ADGRG6: variants seen among roughly 807,000 people sequenced by gnomAD.
ADGRG6 encodes the protein G-protein coupled receptor 126.
Under a neutral mutation model 142.4 loss-of-function variants are expected in ADGRG6, and 84 were observed. The observed-to-expected ratio is 0.59, with a 90% CI of 0.49 to 0.71. The LOEUF is 0.71. ADGRG6 is among the 30% of genes least tolerant of loss of function. The pLI is 0.00. For synonymous variants in ADGRG6, 521 were observed against 520.5 expected (o/e 1.00, Z -0.01); for missense variants, 1,367 against 1,466.6 (o/e 0.93, Z 1.11).
At chr6:142,397,266 A>G (rs1244253831) in intron 9 of ADGRG6, among the ~76,000 whole-genome samples, 2 of 152,080 alleles carry the variant, frequency 1.3e-5, no homozygotes, top group Non-Finnish European at 2.9e-5. Flanking sequence ...TGGGGCCACA[A>G]AGAAAAAATG....
chr6:142,400,321 A>T (rs1355599873), intron 10 of ADGRG6, among the ~76,000 whole-genome samples, 164 bp from the exon 11 acceptor site: 1 of 148,462 alleles, frequency 6.7e-6, no homozygotes, highest in African/African-American at 2.5e-5. Flanking sequence ...CTAACTTCTA[A>T]TTTTTTTTTT....
chr6:142,330,294 A>C (rs1778985773), intron 2 of ADGRG6, among the ~76,000 whole-genome samples: 1 of 152,108 alleles, frequency 6.6e-6, no homozygotes, highest in African/African-American at 2.4e-5. Context: ...CCCGTGACCC[A>C]AATTTACCTG....
intron 22 of ADGRG6, 107 bp from the exon 23 acceptor site, chr6:142,437,327 C>A (rs867243888): frequency 3.4e-6 from 2 of 582,196 alleles, no homozygotes; most frequent in African/African-American, 1.9e-5. Context: ...TTTCTTAGTG[C>A]CTTTGATGTA....
chr6:142,384,399 TGAC>T (rs1781926509), intron 6 of ADGRG6, among the ~76,000 whole-genome samples: 1 of 152,128 alleles, frequency 6.6e-6, no homozygotes, highest in Admixed American at 6.5e-5. Flanking sequence ...AAATTTTGAA[TGAC>T]AACTTCAAAT....
intron 4 of ADGRG6, among the ~76,000 whole-genome samples, chr6:142,380,792 C>T (rs1025536596): frequency 1.3e-5 from 2 of 152,214 alleles, no homozygotes; most frequent in African/African-American, 4.8e-5. Context: ...CCTAATAGCA[C>T]TTAGAACTGT....
At chr6:142,367,224 G>A (rs1011902068) in intron 2 of ADGRG6, among the ~76,000 whole-genome samples, 2 of 152,120 alleles carry the variant, frequency 1.3e-5, no homozygotes, top group African/African-American at 2.4e-5. Flanking sequence ...GAAATTCGCT[G>A]TTGCCTCCTG....
At chr6:142,372,387 T>G (rs1391526746) in intron 4 of ADGRG6, among the ~76,000 whole-genome samples, 1 of 152,182 alleles carries the variant, frequency 6.6e-6, no homozygotes, top group Non-Finnish European at 1.5e-5. Flanking sequence ...TTACTGGGAA[T>G]TTATTCCCAC....
chr6:142,401,737 A>T (rs917219955), intron 11 of ADGRG6, among the ~76,000 whole-genome samples: 1 of 152,058 alleles, frequency 6.6e-6, no homozygotes, highest in South Asian at 2.1e-4. Flanking sequence ...AGGTGGAGAA[A>T]TGGAGAGAAT....
At chr6:142,318,149 TTATATA>T (rs371325647) in intron 2 of ADGRG6, among the ~76,000 whole-genome samples, 1 of 28,806 alleles carries the variant, frequency 3.5e-5, no homozygotes, top group Non-Finnish European at 5.2e-5. Flanking sequence ...ATAATATATA[TTATATA>T]TTATATATAT....
intron 2 of ADGRG6, among the ~76,000 whole-genome samples, chr6:142,314,306 G>A (rs887024044): frequency 6.6e-6 from 1 of 152,184 alleles, no homozygotes; most frequent in Non-Finnish European, 1.5e-5. Context: ...GCAGTGTGAT[G>A]GGACCACTAA....
intron 2 of ADGRG6, among the ~76,000 whole-genome samples, chr6:142,316,054 C>A (rs1025075421): frequency 2.0e-5 from 3 of 152,008 alleles, no homozygotes; most frequent in East Asian, 3.9e-4. Context: ...TATTTGTAAT[C>A]GTTTGAATGA....
At chr6:142,429,534 A>G (rs1401345776) in intron 22 of ADGRG6, among the ~76,000 whole-genome samples, 4 of 152,194 alleles carry the variant, frequency 2.6e-5, no homozygotes, top group Admixed American at 6.5e-5. Context: ...AGAAGTTTCC[A>G]GAGAGAGCCA....
intron 1 of ADGRG6, among the ~76,000 whole-genome samples, chr6:142,304,076 T>G (rs1017089991): frequency 1.3e-5 from 2 of 152,196 alleles, no homozygotes; most frequent in Non-Finnish European, 2.9e-5. Context: ...TGGAGTGGTT[T>G]AGGATGGCCT....
intron 9 of ADGRG6, 147 bp from the exon 10 acceptor site, chr6:142,397,466 C>T: frequency 1.7e-6 from 1 of 586,428 alleles, no homozygotes; most frequent in Non-Finnish European, 3.0e-6. Flanking sequence ...TACACAGCAG[C>T]AGAGAAAGTC....
intron 2 of ADGRG6, among the ~76,000 whole-genome samples, chr6:142,341,255 C>T (rs1412676114): frequency 3.3e-5 from 5 of 149,762 alleles, no homozygotes; most frequent in African/African-American, 9.9e-5. Context: ...CACCTCCAAG[C>T]CTTGTGACTT....
chr6:142,340,961 A>G (rs1191500861), intron 2 of ADGRG6, among the ~76,000 whole-genome samples: 1 of 152,084 alleles, frequency 6.6e-6, no homozygotes, highest in Admixed American at 6.6e-5. Flanking sequence ...TGCATAGAAA[A>G]TAATAGTCTC....
chr6:142,377,625 C>G (rs1781565841), intron 4 of ADGRG6, among the ~76,000 whole-genome samples: 1 of 152,230 alleles, frequency 6.6e-6, no homozygotes, highest in Non-Finnish European at 1.5e-5. Flanking sequence ...ACATACACAT[C>G]ATATTCTAAA....
intron 22 of ADGRG6, among the ~76,000 whole-genome samples, chr6:142,430,998 A>T (rs1173969838): frequency 6.6e-6 from 1 of 152,132 alleles, no homozygotes; most frequent in Non-Finnish European, 1.5e-5. Flanking sequence ...GTTACTTGCA[A>T]CACCCTTTCT....
At chr6:142,385,246 G>T (rs1248279169) in intron 6 of ADGRG6, among the ~76,000 whole-genome samples, 1 of 152,076 alleles carries the variant, frequency 6.6e-6, no homozygotes, top group Non-Finnish European at 1.5e-5. Flanking sequence ...CTCTCTCTGC[G>T]TCATAACCTT....
Sources: allele counts gnomAD v4.1 joint callset (sites outside exome capture counted in the v4.1 genomes callset), GRCh38; gene constraint gnomAD v4.1.1; transcripts MANE v1.5; gene names NCBI Gene and HGNC (gene_info 2026-07-23, HGNC 2026-07-21).